FBXW10B: variants seen among roughly 807,000 people sequenced by gnomAD.
FBXW10B encodes the protein F-box and WD repeat domain containing protein 10B.
chr17:15,593,666 T>C, the FBXW10B span: 3 of 342,002 alleles, frequency 8.8e-6, no homozygotes, highest in African/African-American at 2.3e-5. Context: ...TTCACTCTTG[T>C]TGCCCAGGCT....
the FBXW10B span, chr17:15,572,069 T>C: frequency 6.8e-6 from 1 of 147,270 alleles, no homozygotes; most frequent in African/African-American, 2.6e-5. Flanking sequence ...ATTGTGGTGG[T>C]GGTTACACTA....
chr17:15,612,257 C>T, the FBXW10B span, among the ~76,000 whole-genome samples: 1 of 152,106 alleles, frequency 6.6e-6, no homozygotes, highest in Non-Finnish European at 1.5e-5. Flanking sequence ...CCTGTAATCC[C>T]AGCACTTTGG....
At chr17:15,565,654 A>G in the FBXW10B span, 164 of 1,614,252 alleles carry the variant, frequency 1.0e-4, no homozygotes, top group East Asian at 2.9e-3. Flanking sequence ...TCCTGGATCA[A>G]CCACTCCAGT....
At chr17:15,570,137 G>GATGGATGAT in the FBXW10B span, among the ~76,000 whole-genome samples, 8 of 152,158 alleles carry the variant, frequency 5.3e-5, no homozygotes. Context: ...TGGACAGGTG[G>GATGGATGAT]ATGGATGATA....
At chr17:15,582,008 G>A in the FBXW10B span, among the ~76,000 whole-genome samples, 5 of 149,694 alleles carry the variant, frequency 3.3e-5, no homozygotes, top group African/African-American at 1.3e-4. Context: ...AGGAGAAAAA[G>A]GACTAATAAA....
chr17:15,604,574 G>A, the FBXW10B span, among the ~76,000 whole-genome samples: 74 of 152,086 alleles, frequency 4.9e-4, no homozygotes, highest in African/African-American at 1.1e-3. Flanking sequence ...TTGCTGTGTC[G>A]CCCAGTCTGG....
chr17:15,569,293 T>C, the FBXW10B span, among the ~76,000 whole-genome samples: 1 of 152,064 alleles, frequency 6.6e-6, no homozygotes, highest in Non-Finnish European at 1.5e-5. Flanking sequence ...TGCATCCTCA[T>C]CAACATCTTC....
At chr17:15,600,464 G>A in the FBXW10B span, among the ~76,000 whole-genome samples, 317 of 148,300 alleles carry the variant, frequency 2.1e-3, 2 homozygotes, top group African/African-American at 6.1e-3. Flanking sequence ...GCAATATGGT[G>A]GTATATGTCT....
the FBXW10B span, chr17:15,588,282 A>C: frequency 6.7e-6 from 1 of 148,404 alleles, no homozygotes; most frequent in South Asian, 1.8e-4. Context: ...CATTACAGAC[A>C]TTGTAATGAT....
At chr17:15,615,256 C>T in the FBXW10B span, among the ~76,000 whole-genome samples, 4 of 150,272 alleles carry the variant, frequency 2.7e-5, no homozygotes, top group Admixed American at 2.7e-4. Context: ...CAGATGCTAT[C>T]ACCCTGCCAG....
At chr17:15,616,577 G>A in the FBXW10B span, among the ~76,000 whole-genome samples, 1 of 152,052 alleles carries the variant, frequency 6.6e-6, no homozygotes, top group African/African-American at 2.4e-5. Flanking sequence ...GGCTGAGGCA[G>A]GCGGATCACA....
At chr17:15,566,615 C>T in the FBXW10B span, among the ~76,000 whole-genome samples, 1 of 151,878 alleles carries the variant, frequency 6.6e-6, no homozygotes, top group Non-Finnish European at 1.5e-5. Flanking sequence ...GGCTGGAGTG[C>T]AGTGGCATGT....
the FBXW10B span, among the ~76,000 whole-genome samples, chr17:15,597,502 G>A: frequency 4.0e-5 from 6 of 151,446 alleles, no homozygotes; most frequent in Middle Eastern, 3.4e-3. Flanking sequence ...GCGTGGTGGC[G>A]TGCAACTGTA....
At chr17:15,568,168 G>A in the FBXW10B span, among the ~76,000 whole-genome samples, 11 of 152,190 alleles carry the variant, frequency 7.2e-5, no homozygotes, top group Admixed American at 5.2e-4. Flanking sequence ...GAATCACGTC[G>A]AGGAGAAGGC....
chr17:15,617,193 C>G, the FBXW10B span, among the ~76,000 whole-genome samples: 3 of 152,154 alleles, frequency 2.0e-5, no homozygotes, highest in Admixed American at 6.5e-5. Flanking sequence ...CTTCCATACC[C>G]CTGACACACC....
chr17:15,612,634 T>C, the FBXW10B span: 1 of 1,608,104 alleles, frequency 6.2e-7, no homozygotes. Flanking sequence ...AGTCTGGACC[T>C]CAGCCTTCAA....
At chr17:15,572,321 GT>G in the FBXW10B span, 1 of 152,168 alleles carries the variant, frequency 6.6e-6, no homozygotes, top group African/African-American at 2.4e-5. Context: ...CTGAGGCTCT[GT>G]TTCCTCGCCT....
At chr17:15,618,592 T>G in the FBXW10B span, among the ~76,000 whole-genome samples, 1 of 149,476 alleles carries the variant, frequency 6.7e-6, no homozygotes, top group Non-Finnish European at 1.5e-5. Context: ...GACTTCTTGG[T>G]CTGGTTTCTG....
At chr17:15,590,616 C>A in the FBXW10B span, among the ~76,000 whole-genome samples, 1 of 145,720 alleles carries the variant, frequency 6.9e-6, no homozygotes, top group Non-Finnish European at 1.5e-5. Flanking sequence ...TTCCTTAGTT[C>A]CACCTGGAGC....
Sources: allele counts gnomAD v4.1 joint callset (sites outside exome capture counted in the v4.1 genomes callset), GRCh38; gene constraint gnomAD v4.1.1; transcripts MANE v1.5; gene names NCBI Gene and HGNC (gene_info 2026-07-23, HGNC 2026-07-21).